Variants in LMNTD1 observed in about 807,000 individuals in gnomAD.
LMNTD1 encodes the protein lamin tail domain-containing protein 1.
Under a neutral mutation model 50.9 loss-of-function variants are expected in LMNTD1, and 35 were observed. That is an observed-to-expected ratio of 0.69 (90% confidence interval 0.53 to 0.91). The LOEUF (loss-of-function observed/expected upper bound fraction) is 0.91. LMNTD1 is among the 40% of genes least tolerant of loss of function. The probability of loss-of-function intolerance (pLI) is 0.00; values close to 1 mark genes in which losing one functional copy is unlikely to be tolerated. For synonymous variants in LMNTD1, 153 were observed against 161.9 expected (o/e 0.94, Z 0.42); for missense variants, 470 against 475.5 (o/e 0.99, Z 0.11).
intron 1 of LMNTD1, among the ~76,000 whole-genome samples, chr12:25,558,601 C>T (rs184575983): frequency 1.3e-5 from 2 of 152,064 alleles, no homozygotes; most frequent in Non-Finnish European, 2.9e-5. Flanking sequence ...AAGACATATC[C>T]GACACTGGGT....
chr12:25,568,795 C>A (rs527260796), intron 1 of LMNTD1, among the ~76,000 whole-genome samples: 2 of 152,340 alleles, frequency 1.3e-5, no homozygotes, highest in South Asian at 2.1e-4. Flanking sequence ...GTTAAGCCTG[C>A]AGGTGCACAG....
chr12:25,517,925 T>C (rs1940932209), intron 8 of LMNTD1, among the ~76,000 whole-genome samples: 1 of 152,078 alleles, frequency 6.6e-6, no homozygotes, highest in Non-Finnish European at 1.5e-5. Context: ...CGTGGTGTCT[T>C]AAAGATCACA....
intron 1 of LMNTD1, among the ~76,000 whole-genome samples, chr12:25,566,220 T>C (rs540068960): frequency 6.6e-6 from 1 of 152,304 alleles, no homozygotes; most frequent in East Asian, 1.9e-4. Flanking sequence ...TTGAGGCCAA[T>C]AACTCTTAGA....
At chr12:25,570,386 G>A (rs1944737012) in intron 1 of LMNTD1, among the ~76,000 whole-genome samples, 1 of 152,124 alleles carries the variant, frequency 6.6e-6, no homozygotes, top group Non-Finnish European at 1.5e-5. Flanking sequence ...GGGCCTCAAA[G>A]GTTGGATAGA....
chr12:25,546,670 T>G (rs1943455971), intron 3 of LMNTD1, 116 bp from the exon 4 acceptor site: 2 of 539,690 alleles, frequency 3.7e-6, no homozygotes, highest in Non-Finnish European at 5.8e-6. Flanking sequence ...TTTTTACATT[T>G]TAATATCACT....
intron 1 of LMNTD1, among the ~76,000 whole-genome samples, chr12:25,641,229 A>G (rs1449509039): frequency 6.6e-6 from 1 of 152,040 alleles, no homozygotes; most frequent in Non-Finnish European, 1.5e-5. Flanking sequence ...ATAAGGCTGT[A>G]CTAATGTAGC....
At chr12:25,557,133 C>T (rs1170648838), upstream of LMNTD1, 1 of 152,100 alleles carries the variant, frequency 6.6e-6, no homozygotes, top group Non-Finnish European at 1.5e-5. Context: ...GTATAAATTC[C>T]TATTATAAAG....
intron 1 of LMNTD1, among the ~76,000 whole-genome samples, chr12:25,567,345 T>C (rs775728219): frequency 1.3e-5 from 2 of 152,232 alleles, no homozygotes; most frequent in Non-Finnish European, 2.9e-5. Context: ...TCTGAGTAAA[T>C]ACTTCTACAA....
intron 1 of LMNTD1, among the ~76,000 whole-genome samples, chr12:25,632,090 A>C (rs535764913): frequency 6.6e-6 from 1 of 152,314 alleles, no homozygotes; most frequent in Admixed American, 6.5e-5. Flanking sequence ...TAACCCAATC[A>C]AACAAAGACA....
intron 1 of LMNTD1, among the ~76,000 whole-genome samples, chr12:25,643,780 A>G (rs775699228): frequency 6.6e-6 from 1 of 152,220 alleles, no homozygotes; most frequent in Non-Finnish European, 1.5e-5. Flanking sequence ...GGAAAGTGCC[A>G]GAGAAGTCAA....
In LMNTD1 at chr12:25,517,384, A is replaced by C. The variant is rs1405103275; in HGVS notation, c.1189+1411T>G. ...ATGGAATACTATGCAGCCATAAAAA[A>C]TGATGAGTTCATGTCCTTTGTAGGG... On this transcript the variant is annotated intron_variant, in intron 8 of 9. Transcript: ENST00000458174. Among the ~76,000 whole-genome samples the C allele has an allele frequency of 9.0e-5, 5 of 55,758 alleles. 2 individuals are homozygous for C. The highest frequency in any genetic ancestry group is 2.2e-4 in the African/African-American group (5 of 22,898). 36.6% of individuals were successfully genotyped at this position (55,758 alleles called of 152,430 possible).
chr12:25,585,939 G>T (rs1215752147), intron 1 of LMNTD1: 1 of 152,304 alleles, frequency 6.6e-6, no homozygotes, highest in Admixed American at 6.5e-5. Flanking sequence ...AAGTCGCAAA[G>T]GATGAACTCA....
chr12:25,645,481 T>A (rs1947049191), intron 1 of LMNTD1, among the ~76,000 whole-genome samples: 1 of 152,192 alleles, frequency 6.6e-6, no homozygotes, highest in Non-Finnish European at 1.5e-5. Flanking sequence ...TACTGGATGT[T>A]CACTGCAGCC....
chr12:25,596,372 C>T (rs1213472796), intron 1 of LMNTD1, among the ~76,000 whole-genome samples: 1 of 151,986 alleles, frequency 6.6e-6, no homozygotes. Flanking sequence ...AAAGATAATC[C>T]ACCATGATCA....
intron 1 of LMNTD1, among the ~76,000 whole-genome samples, chr12:25,584,055 C>T (rs907667629): frequency 1.3e-5 from 2 of 152,048 alleles, no homozygotes; most frequent in Non-Finnish European, 2.9e-5. Context: ...GAGATGTGTT[C>T]GGACTCTGGA....
chr12:25,603,926 C>A (rs569790087), intron 1 of LMNTD1, among the ~76,000 whole-genome samples: 5 of 146,624 alleles, frequency 3.4e-5, no homozygotes, highest in Non-Finnish European at 7.5e-5. Context: ...ATAAGAAATA[C>A]CAGAGACACA....
At chr12:25,483,252 C>G (rs1192419833) in intron 9 of LMNTD1, among the ~76,000 whole-genome samples, 1 of 151,454 alleles carries the variant, frequency 6.6e-6, no homozygotes, top group Non-Finnish European at 1.5e-5. Context: ...TGGCAAAACC[C>G]TGTCTCTAAA....
intron 1 of LMNTD1, among the ~76,000 whole-genome samples, chr12:25,615,506 G>C (rs1202113969): frequency 2.6e-5 from 4 of 151,570 alleles, no homozygotes. Context: ...TTGTCGCCCA[G>C]GTTGCAGTAG....
exon 1 of LMNTD1, chr12:25,648,531 T>C (rs1947122695): frequency 1.3e-6 from 2 of 1,551,580 alleles, no homozygotes; most frequent in South Asian, 2.4e-5. Context: ...CGATGTCTCC[T>C]GCTCTCACTG....
Sources: allele counts gnomAD v4.1 joint callset (sites outside exome capture counted in the v4.1 genomes callset), GRCh38; gene constraint gnomAD v4.1.1; transcripts MANE v1.5; gene names NCBI Gene and HGNC (gene_info 2026-07-23, HGNC 2026-07-21).